Variants in OR5H2 observed in about 807,000 individuals in gnomAD.
OR5H2 encodes the protein olfactory receptor 5H2.
For synonymous variants in OR5H2, 132 were observed against 126.8 expected, an observed-to-expected ratio of 1.04 and a Z score of -0.27; for missense variants, 391 against 364.4, an observed-to-expected ratio of 1.07 and a Z score of -0.59.
rs200983262 is a variant in OR5H2 at position 98,282,910 on chromosome 3, A to G, written c.8A>G (p.Gln3Arg). 6.2e-6 allele frequency: 10 copies of G among 1,613,612 alleles called. No homozygotes were observed. Among genetic ancestry groups the G allele is most frequent in the South Asian group, 2.2e-5 (2 of 91,038 alleles). The change falls in exon 1 of 1, where the codon CAG (glutamine) becomes CGG (arginine). Residue 3 changes from glutamine to arginine, a missense_variant. By Grantham distance (43) the Gln-to-Arg change is conservative (BLOSUM62 1). Coordinates refer to ENST00000355273, the MANE Select transcript of OR5H2 (RefSeq NM_001005482.2). ME[Q>R]DNTTLLTEFV... ...GGGATGTCGAATGAGGACATGGAACAGGATAATACAACATTGCTGACAGAG... is the reference window on the plus strand; with the variant it reads ...GGGATGTCGAATGAGGACATGGAACGGGATAATACAACATTGCTGACAGAG...
chr3:98,283,813 T>C lies in OR5H2; in HGVS notation c.911T>C (p.Met304Thr), dbSNP rs754939737. The C allele has an allele frequency of 9.1e-6, 14 of 1,531,548 alleles. No individual in the cohort carries two copies. In the Admixed American group the frequency reaches 1.9e-4, roughly 21 times the overall value. 94.9% of individuals were successfully genotyped at this position (1,531,548 alleles called of 1,614,324 possible). A position where few individuals can be genotyped will look rare whatever the true frequency, so the allele number is the denominator to read the frequency against. The change falls in exon 1 of 1, where the codon ATG becomes ACG. Residue 304 changes from methionine to threonine, a missense_variant. Physicochemically the swap from Met to Thr is moderately conservative, Grantham distance 81. Transcript: ENST00000355273. ...CAAGTAATAGATTCATTCACAAAAA[T>C]GGTAAAAAGAAATGTTTAGATTTCA... Reference protein sequence around the residue: ...NKQVIDSFTKMVKRNV With the variant: ...NKQVIDSFTKTVKRNV
rs1706164843 is a variant in OR5H2, at chr3:98,283,697, ACAAG to A, written c.798_801del (p.Ala267MetfsTer5). On this transcript the variant is annotated frameshift_variant, in exon 1 of 1. Transcript: ENST00000355273. LOFTEE classifies it low-confidence loss of function (END_TRUNC). ...TCATGTATTTGCGCCCTGCATCTCCACAAGCAGATGACCAAGATATGATAGACTC... is the reference window on the plus strand; with the variant it reads ...TCATGTATTTGCGCCCTGCATCTCCACAGATGACCAAGATATGATAGACTC... 16 of 1,612,816 alleles carry A rather than the reference ACAAG, an allele frequency of 9.9e-6. No homozygotes were observed. The highest frequency in any genetic ancestry group is 1.4e-5 in the Non-Finnish European group (16 of 1,179,506).
In OR5H2 at chr3:98,283,870, T is replaced by C. The variant is rs1354940332; in HGVS notation, c.*38T>C. On this transcript the variant is annotated 3_prime_UTR_variant, in exon 1 of 1. Coordinates refer to ENST00000355273, the MANE Select transcript of OR5H2 (RefSeq NM_001005482.2). The stretch of plus-strand genomic sequence containing the variant: ...TATCTCTCATTTTCAGTAAAAAGAA[T>C]TTTGCAGTTAGATAAGGTGTTTTGC... 1.6e-6 allele frequency: 2 copies of C among 1,221,772 alleles called. No individual in the cohort carries two copies. Among genetic ancestry groups the C allele is most frequent in the Non-Finnish European group, 2.3e-6 (2 of 881,500 alleles). 75.7% of individuals were successfully genotyped at this position (1,221,772 alleles called of 1,614,324 possible).
rs1211785155 is a variant in OR5H2 at position 98,282,986 on chromosome 3, C to T, written c.84C>T (p.Phe28=). The change falls in exon 1 of 1, where the codon TTC becomes TTT. Residue 28 remains phenylalanine (F), a synonymous_variant. Transcript: ENST00000355273. The part of the protein sequence containing the change: ...TYQPEWKMPL[F]LVFLVIYLIT... ...AGCCAGAGTGGAAAATGCCCCTGTT[C>T]TTGGTGTTCTTGGTGATCTATCTCA... The T allele has an allele frequency of 2.5e-6, 4 of 1,612,936 alleles. No individual in the cohort carries two copies. The highest frequency in any genetic ancestry group is 1.7e-4 in the Middle Eastern group (1 of 6,058).
At position 98,283,411 on chromosome 3, in the gene OR5H2, A is replaced by G. The variant is rs764796485; in HGVS notation, c.509A>G (p.Asn170Ser). The change falls in exon 1 of 1, where the codon AAT becomes AGT. Residue 170 changes from asparagine (N) to serine (S), a missense_variant. Physicochemically the swap from Asn to Ser is conservative, Grantham distance 46. Coordinates refer to ENST00000355273, the MANE Select transcript of OR5H2 (RefSeq NM_001005482.2). ...CTTATATTCAGATTAACCTTCTGCA[A>G]TTCTAACATAATACATCATTTTTAC... ...EVLIFRLTFC[N>S]SNIIHHFYCD... The G allele has an allele frequency of 3.1e-6, 5 of 1,609,472 alleles. No individual in the cohort carries two copies. Among genetic ancestry groups the G allele is most frequent in the Admixed American group, 3.4e-5 (2 of 58,496 alleles).
In OR5H2 at chr3:98,283,630, C is replaced by T. The variant is rs775329341; in HGVS notation, c.728C>T (p.Ala243Val). Residue 243 changes from alanine (A) to valine (V), a missense_variant, in exon 1 of 1, where the codon GCC (alanine) becomes GTC (valine). By Grantham distance (64) the Ala-to-Val change is moderately conservative. Coordinates refer to ENST00000355273, the MANE Select transcript of OR5H2 (RefSeq NM_001005482.2). Reference protein sequence around the residue: ...GVRKAFSTCGAHLLSVSLYYG... With the variant: ...GVRKAFSTCGVHLLSVSLYYG... ...AGGAAAGCCTTTTCCACCTGTGGAG[C>T]CCATCTCTTATCTGTCTCTTTATAT... The T allele has an allele frequency of 6.2e-7, 1 of 1,613,354 alleles. No individual in the cohort carries two copies. The highest frequency in any genetic ancestry group is 8.5e-7 in the Non-Finnish European group (1 of 1,179,800).
rs748290182 is a variant in OR5H2 at position 98,283,469 on chromosome 3, T to C, written c.567T>C (p.Cys189=). The change falls in exon 1 of 1, where the codon TGT becomes TGC. Residue 189 remains cysteine, a synonymous_variant. Coordinates refer to ENST00000355273, the MANE Select transcript of OR5H2 (RefSeq NM_001005482.2). Reference sequence around the variant, plus strand: ...TTATACCACTGTTTATGATTTCCTGTACTGACCCTTCTATTAATTTTCTAA... The same window carrying C: ...TTATACCACTGTTTATGATTTCCTGCACTGACCCTTCTATTAATTTTCTAA... ...CDIIPLFMIS[C]TDPSINFLMV... 1.2e-6 allele frequency: 2 copies of C among 1,612,422 alleles called. No homozygotes were observed. The highest frequency in any genetic ancestry group is 1.7e-6 in the Non-Finnish European group (2 of 1,179,472).
At position 98,284,063 on chromosome 3, in the gene OR5H2, A is replaced by G. The variant is rs969811663; in HGVS notation, c.*231A>G. 1.3e-5 allele frequency among the ~76,000 whole-genome samples: 2 copies of G among 152,178 alleles called. No individual in the cohort carries two copies. Among genetic ancestry groups the G allele is most frequent in the African/African-American group, 4.8e-5 (2 of 41,448 alleles). ...GATAATTAAAGCAGAAAACAAATGA[A>G]AACATTTATAGGTTAAATACTCTTC... is the stretch of plus-strand genomic sequence containing the variant. On this transcript the variant is annotated 3_prime_UTR_variant, in exon 1 of 1. Transcript: ENST00000355273.
rs1436206712 is a variant in OR5H2 at position 98,282,726 on chromosome 3, C to T, written c.-177C>T. On this transcript the variant is annotated 5_prime_UTR_variant, in exon 1 of 1. Transcript: ENST00000355273. ...AAAATAATTGCATTTATTTTGATTTCTTATATTTCCCAAAACAGTTTCCAT... is the reference window on the plus strand; with the variant it reads ...AAAATAATTGCATTTATTTTGATTTTTTATATTTCCCAAAACAGTTTCCAT... Among the ~76,000 whole-genome samples the T allele has an allele frequency of 6.6e-6, 1 of 152,102 alleles. No individual in the cohort carries two copies. The highest frequency in any genetic ancestry group is 1.5e-5 in the Non-Finnish European group (1 of 67,982).
Position 98,282,676 on chromosome 3 carries a change from A to C in OR5H2, c.-227A>C, listed in dbSNP as rs1439481295. ...TCTATCATCTGCATTTTAAAAGTAG[A>C]TTATTTGATCACATTTTTAGAATTA... On this transcript the variant is annotated 5_prime_UTR_variant, in exon 1 of 1. Transcript: ENST00000355273. Among the ~76,000 whole-genome samples, 1 of 152,204 alleles carries C rather than the reference A, an allele frequency of 6.6e-6. No individual in the cohort carries two copies. Among genetic ancestry groups the C allele is most frequent in the African/African-American group, 2.4e-5 (1 of 41,458 alleles).
chr3:98,283,687 C>T lies in OR5H2; in HGVS notation c.785C>T (p.Pro262Leu), dbSNP rs1452185004. 3.1e-6 allele frequency: 5 copies of T among 1,613,002 alleles called. No individual in the cohort carries two copies. The Admixed American group carries it at 8.4e-5, about 27-fold the overall frequency. ...YGPLIFMYLR[P>L]ASPQADDQDM... ...CCACTTATCTTCATGTATTTGCGCCCTGCATCTCCACAAGCAGATGACCAA... is the reference window on the plus strand; with the variant it reads ...CCACTTATCTTCATGTATTTGCGCCTTGCATCTCCACAAGCAGATGACCAA... The change falls in exon 1 of 1, where the codon CCT (proline) becomes CTT (leucine). Residue 262 changes from proline to leucine, a missense_variant. Physicochemically the swap from Pro to Leu is moderately conservative, Grantham distance 98. Coordinates refer to ENST00000355273, the MANE Select transcript of OR5H2 (RefSeq NM_001005482.2).
In OR5H2 at chr3:98,283,524, G is replaced by T. The variant is rs762632438; in HGVS notation, c.622G>T (p.Val208Leu). Residue 208 changes from valine (V) to leucine (L), a missense_variant, in exon 1 of 1, where the codon GTA becomes TTA. Physicochemically the swap from Val to Leu is conservative, Grantham distance 32. Coordinates refer to ENST00000355273, the MANE Select transcript of OR5H2 (RefSeq NM_001005482.2). ...TTTTATTTTGTCTGGCTCAATTCAG[G>T]TATTCACCATTGTGACAGTTCTTAA... ...MVFILSGSIQ[V>L]FTIVTVLNSY... is the part of the protein sequence containing the mutation. 9.9e-6 allele frequency: 16 copies of T among 1,612,904 alleles called. No individual in the cohort carries two copies. The highest frequency in any genetic ancestry group is 1.4e-5 in the Non-Finnish European group (16 of 1,179,754).
Position 98,282,948 on chromosome 3 carries a change from G to A in OR5H2, c.46G>A (p.Gly16Arg), listed in dbSNP as rs1362863043. Residue 16 changes from glycine (G) to arginine (R), a missense_variant, in exon 1 of 1, where the codon GGA becomes AGA. Physicochemically the swap from Gly to Arg is moderately radical, Grantham distance 125 (BLOSUM62 -2). Coordinates refer to ENST00000355273, the MANE Select transcript of OR5H2 (RefSeq NM_001005482.2). The stretch of plus-strand genomic sequence containing the variant: ...ATTGCTGACAGAGTTTGTTCTCACA[G>A]GACTTACATATCAGCCAGAGTGGAA... ...TTLLTEFVLTGLTYQPEWKMP... is the reference protein window; with the variant it reads ...TTLLTEFVLTRLTYQPEWKMP... 3.7e-6 allele frequency: 6 copies of A among 1,613,836 alleles called. No individual in the cohort carries two copies. Among genetic ancestry groups the A allele is most frequent in the African/African-American group, 1.3e-5 (1 of 74,890 alleles).
rs1706154560 is a variant in OR5H2 at position 98,283,229 on chromosome 3, T to C, written c.327T>C (p.Thr109=). 1.2e-6 allele frequency: 2 copies of C among 1,613,888 alleles called. No individual in the cohort carries two copies. The highest frequency in any genetic ancestry group is 1.7e-6 in the Non-Finnish European group (2 of 1,179,936). ...TTTTTTCCTTTGCATTTGGTGGAAC[T>C]ACAGAATGTTTTCTCTTGGCAACAA... ...IQFFSFAFGG[T]TECFLLATMA... Residue 109 remains threonine, a synonymous_variant, in exon 1 of 1, where the codon ACT becomes ACC. Coordinates refer to ENST00000355273, the MANE Select transcript of OR5H2 (RefSeq NM_001005482.2).
chr3:98,283,948 G>C lies in OR5H2; in HGVS notation c.*116G>C. On this transcript the variant is annotated 3_prime_UTR_variant, in exon 1 of 1. Coordinates refer to ENST00000355273, the MANE Select transcript of OR5H2 (RefSeq NM_001005482.2). ...ATTGTTTTAGCATTTTAATGACTTA[G>C]GGTTTTATACCTAATAAACTCCTTA... 1.7e-6 allele frequency: 1 copy of C among 590,758 alleles called. No homozygotes were observed. The highest frequency in any genetic ancestry group is 2.8e-6 in the Non-Finnish European group (1 of 354,460). The allele number at this position is 590,758 out of a possible 1,614,324, so 36.6% of individuals were successfully genotyped here. A position where few individuals can be genotyped will look rare whatever the true frequency, so the allele number is the denominator to read the frequency against.
chr3:98,283,727 T>C lies in OR5H2; in HGVS notation c.825T>C (p.Ser275=). 2 of 1,609,344 alleles carry C rather than the reference T, an allele frequency of 1.2e-6. No individual in the cohort carries two copies. The highest frequency in any genetic ancestry group is 1.7e-6 in the Non-Finnish European group (2 of 1,177,048). Residue 275 remains serine (S), a synonymous_variant, in exon 1 of 1, where the codon TCT becomes TCC. Coordinates refer to ENST00000355273, the MANE Select transcript of OR5H2 (RefSeq NM_001005482.2). ...CAGATGACCAAGATATGATAGACTC[T>C]GTCTTTTATACAATCATAATTCCTT... ...PQADDQDMID[S]VFYTIIIPLL...
chr3:98,282,572 C>G lies in OR5H2; in HGVS notation c.-331C>G, dbSNP rs1379114099. 6.6e-6 allele frequency among the ~76,000 whole-genome samples: 1 copy of G among 152,152 alleles called. No individual in the cohort carries two copies. The highest frequency in any genetic ancestry group is 1.5e-5 in the Non-Finnish European group (1 of 68,032). ...ATGGCCACCTTGCAGGCTGTAACCCCTTATAAGAAATAAGTCTTCTCTCCT... is the reference window on the plus strand; with the variant it reads ...ATGGCCACCTTGCAGGCTGTAACCCGTTATAAGAAATAAGTCTTCTCTCCT... On this transcript the variant is annotated 5_prime_UTR_variant, in exon 1 of 1. Transcript: ENST00000355273.
Position 98,283,030 on chromosome 3 carries a change from T to C in OR5H2, c.128T>C (p.Leu43Pro), listed in dbSNP as rs190503269. The C allele has an allele frequency of 1.6e-4, 253 of 1,614,078 alleles. No individual in the cohort carries two copies. Among genetic ancestry groups the C allele is most frequent in the Admixed American group, 5.8e-4 (35 of 60,028 alleles). ...TATCTCATCACTATTGTGTGGAACCTTGGTCTGATTGCTCTTATCTGGAAT... is the reference window on the plus strand; with the variant it reads ...TATCTCATCACTATTGTGTGGAACCCTGGTCTGATTGCTCTTATCTGGAAT... ...VIYLITIVWNLGLIALIWNDP... is the reference protein window; with the variant it reads ...VIYLITIVWNPGLIALIWNDP... Residue 43 changes from leucine (L) to proline (P), a missense_variant, in exon 1 of 1, where the codon CTT becomes CCT. Leu to Pro is a moderately conservative substitution (Grantham distance 98). Transcript: ENST00000355273.
Position 98,282,849 on chromosome 3 carries a change from G to A in OR5H2, c.-54G>A. 2 of 1,524,634 alleles carry A rather than the reference G, an allele frequency of 1.3e-6. No homozygotes were observed. The highest frequency in any genetic ancestry group is 1.7e-4 in the Middle Eastern group (1 of 5,762). The allele number at this position is 1,524,634 out of a possible 1,614,324, so 94.4% of individuals were successfully genotyped here. A position where few individuals can be genotyped will look rare whatever the true frequency, so the allele number is the denominator to read the frequency against. On this transcript the variant is annotated 5_prime_UTR_variant, in exon 1 of 1. The change creates a new upstream start codon in the 5' untranslated region. Coordinates refer to ENST00000355273, the MANE Select transcript of OR5H2 (RefSeq NM_001005482.2). ...CCCAGTATTTGCTGTATAAGTCTTAGTGAATGCTCTTTTACATTTACTGCA... is the reference window on the plus strand; with the variant it reads ...CCCAGTATTTGCTGTATAAGTCTTAATGAATGCTCTTTTACATTTACTGCA...
Sources: allele counts gnomAD v4.1 joint callset (sites outside exome capture counted in the v4.1 genomes callset), GRCh38; gene constraint gnomAD v4.1.1; transcripts MANE v1.5; gene names NCBI Gene and HGNC (gene_info 2026-07-23, HGNC 2026-07-21).